Variants in ASB17 observed in about 807,000 individuals in gnomAD.
The protein encoded by ASB17 is ankyrin repeat and SOCS box protein 17.
In ASB17, 26 loss-of-function variants were observed where a neutral mutation model predicts 25.7. That is an observed-to-expected ratio of 1.01 (90% CI 0.74 to 1.40). The LOEUF (loss-of-function observed/expected upper bound fraction) is 1.40, where lower values mean the gene tolerates loss of function less well. Among genes scored for constraint, ASB17 ranks in the 40% most tolerant of loss-of-function variants. The pLI, the probability that ASB17 is intolerant of heterozygous loss-of-function variation, is 0.00. For missense variants in ASB17, 326 were observed against 338.5 expected, an observed-to-expected ratio of 0.96 and a Z score of 0.29; for synonymous variants, 128 against 121.4, an observed-to-expected ratio of 1.05 and a Z score of -0.36.
intron 2 of ASB17, among the ~76,000 whole-genome samples, chr1:75,920,639 C>T (rs1351007509): frequency 6.6e-6 from 1 of 152,196 alleles, no homozygotes. Context: ...TAATGCTATT[C>T]TTTATCTTCC....
chr1:75,927,937 T>C (rs1332889368), intron 1 of ASB17, among the ~76,000 whole-genome samples: 1 of 152,210 alleles, frequency 6.6e-6, no homozygotes, highest in Non-Finnish European at 1.5e-5. Flanking sequence ...ACATGATTCC[T>C]ATCTCACTCT....
intron 1 of ASB17, among the ~76,000 whole-genome samples, chr1:75,930,672 G>A (rs1011890471): frequency 1.3e-5 from 2 of 151,988 alleles, no homozygotes; most frequent in Non-Finnish European, 2.9e-5. Context: ...GTTGTTAATG[G>A]CACCCTATCA....
At chr1:75,927,500 T>C (rs1350984908) in intron 1 of ASB17, among the ~76,000 whole-genome samples, 1 of 152,134 alleles carries the variant, frequency 6.6e-6, no homozygotes, top group Non-Finnish European at 1.5e-5. Flanking sequence ...GCCTGGACAG[T>C]TGTAGTATCA....
At position 75,919,155 on chromosome 1, in the gene ASB17, G is replaced by A; in HGVS notation, c.685C>T (p.Gln229Ter). ...SVISVKEIKT[Q>*]LSLGRHPIIS... The stretch of plus-strand genomic sequence containing the variant: ...ATTGGATGTCTTCCTAAACTCAGCT[G>A]TGTCTGAAGAAAAGCAAAATATTTT... The change falls in exon 3 of 3, where the codon CAG becomes TAG. Residue 229 changes from glutamine (Q) to a stop codon, truncating the protein, a stop_gained. Coordinates refer to ENST00000284142, the MANE Select transcript of ASB17 (RefSeq NM_080868.3). LOFTEE classifies it high-confidence loss of function. The A allele has an allele frequency of 6.2e-7, 1 of 1,607,488 alleles. No individual in the cohort carries two copies. Among genetic ancestry groups the A allele is most frequent in the Non-Finnish European group, 8.5e-7 (1 of 1,176,340 alleles).
rs1470902047 is a variant in ASB17 at position 75,929,929 on chromosome 1, C to T, written c.401+1962G>A. On this transcript the variant is annotated intron_variant, in intron 1 of 2. Transcript: ENST00000284142. The stretch of plus-strand genomic sequence containing the variant: ...TGGTAGAGAAACAGGTGCTGTTAAT[C>T]GGGGGTTGGGGGGAATTCTGGGGAA... Among the ~76,000 whole-genome samples, 7 of 121,782 alleles carry T rather than the reference C, an allele frequency of 5.7e-5. No individual in the cohort carries two copies. In the South Asian group the frequency reaches 1.8e-3, roughly 31 times the overall value. 79.9% of individuals were successfully genotyped at this position (121,782 alleles called of 152,430 possible).
At chr1:75,924,592 T>C (rs925004080) in intron 1 of ASB17, among the ~76,000 whole-genome samples, 4 of 152,140 alleles carry the variant, frequency 2.6e-5, no homozygotes, top group Non-Finnish European at 5.9e-5. Context: ...TACATATGAA[T>C]ATGGATATGT....
intron 1 of ASB17, among the ~76,000 whole-genome samples, chr1:75,925,945 T>C (rs897097866): frequency 2.0e-5 from 3 of 152,166 alleles, no homozygotes; most frequent in Admixed American, 6.5e-5. Flanking sequence ...TTCATCTCTT[T>C]GGCTATTTCT....
At chr1:75,928,212 G>A (rs1439812369) in intron 1 of ASB17, among the ~76,000 whole-genome samples, 1 of 152,082 alleles carries the variant, frequency 6.6e-6, no homozygotes, top group Non-Finnish European at 1.5e-5. Flanking sequence ...CCTAGAGTGT[G>A]GCTATAATTG....
chr1:75,924,154 GT>G (rs751176932), intron 1 of ASB17, among the ~76,000 whole-genome samples: 38 of 152,122 alleles, frequency 2.5e-4, no homozygotes, highest in Non-Finnish European at 7.4e-5. Flanking sequence ...TCAAAAGAAT[GT>G]TTTAGGCACA....
chr1:75,919,858 T>C (rs1379868309), intron 2 of ASB17, among the ~76,000 whole-genome samples: 2 of 152,220 alleles, frequency 1.3e-5, no homozygotes, highest in Non-Finnish European at 2.9e-5. Flanking sequence ...TGTGTGCATG[T>C]GTCTTTATAG....
chr1:75,922,500 T>C (rs1235027241), intron 1 of ASB17, 141 bp from the exon 2 acceptor site: 2 of 631,608 alleles, frequency 3.2e-6, no homozygotes, highest in Non-Finnish European at 4.6e-6. Flanking sequence ...TTTTTTTTTT[T>C]TTTTTTTTTT....
At chr1:75,924,790 A>G (rs533775068) in intron 1 of ASB17, among the ~76,000 whole-genome samples, 1 of 152,030 alleles carries the variant, frequency 6.6e-6, no homozygotes, top group Admixed American at 6.6e-5. Context: ...TTTACTTTGT[A>G]TATGTTCTTC....
At chr1:75,926,415 C>T (rs1653173581) in intron 1 of ASB17, among the ~76,000 whole-genome samples, 1 of 152,216 alleles carries the variant, frequency 6.6e-6, no homozygotes, top group East Asian at 1.9e-4. Context: ...GAAGGAGGTG[C>T]GGAAGTTAAC....
intron 2 of ASB17, among the ~76,000 whole-genome samples, chr1:75,920,151 C>T (rs1308816258): frequency 1.3e-5 from 2 of 152,172 alleles, no homozygotes; most frequent in African/African-American, 2.4e-5. Flanking sequence ...CAGGTGATAT[C>T]AACCATTGTA....
chr1:75,921,516 C>T (rs756070405), intron 2 of ASB17, among the ~76,000 whole-genome samples: 40 of 152,172 alleles, frequency 2.6e-4, no homozygotes, highest in South Asian at 4.1e-4. Flanking sequence ...ACAGGGTACC[C>T]TGTATGCTGT....
intron 1 of ASB17, among the ~76,000 whole-genome samples, chr1:75,923,322 C>G (rs1039267780): frequency 3.9e-5 from 6 of 152,012 alleles, no homozygotes; most frequent in African/African-American, 1.5e-4. Flanking sequence ...CTTGTTTTCC[C>G]TAGAGTGTCA....
At chr1:75,926,570 A>G (rs1571017313) in intron 1 of ASB17, among the ~76,000 whole-genome samples, 2 of 152,154 alleles carry the variant, frequency 1.3e-5, no homozygotes, top group African/African-American at 4.8e-5. Context: ...TAAGAACTTC[A>G]CCTTTTACTC....
rs909602377 is a variant in ASB17, at chr1:75,922,289, T to C, written c.472A>G (p.Arg158Gly). 3 of 1,613,294 alleles carry C rather than the reference T, an allele frequency of 1.9e-6. No individual in the cohort carries two copies. The highest frequency in any genetic ancestry group is 2.5e-6 in the Non-Finnish European group (3 of 1,179,588). ...ITPLFYVAQT[R>G]QSNIFKILLQ... ...AGTATTTTGAAGATATTAGACTGTC[T>C]TGTCTGAGCTACATAAAAGAGAGGT... The change falls in exon 2 of 3, where the codon AGA becomes GGA. Residue 158 changes from arginine (R) to glycine (G), a missense_variant. Arg to Gly is a moderately radical substitution (Grantham distance 125, BLOSUM62 -2). Transcript: ENST00000284142.
chr1:75,921,017 G>A lies in ASB17; in HGVS notation c.681+1063C>T, dbSNP rs1029766892. Among the ~76,000 whole-genome samples the A allele has an allele frequency of 1.9e-4, 29 of 151,982 alleles. 1 individual carries two copies. The South Asian group carries it at 3.9e-3, about 21-fold the overall frequency. On this transcript the variant is annotated intron_variant, in intron 2 of 2. Coordinates refer to ENST00000284142, the MANE Select transcript of ASB17 (RefSeq NM_080868.3). ...TCTCGATCTCCTGACCTCGTGATCCGCCCGCCTCGGCCTCCCAAAGTGCTG... is the reference window on the plus strand; with the variant it reads ...TCTCGATCTCCTGACCTCGTGATCCACCCGCCTCGGCCTCCCAAAGTGCTG...
Sources: gnomAD v4.1 joint callset for allele counts (sites outside exome capture counted in the v4.1 genomes callset) on GRCh38, gnomAD v4.1.1 for gene constraint, MANE v1.5 for transcripts, NCBI Gene and HGNC (gene_info 2026-07-23, HGNC 2026-07-21) for gene names.